The following PTPRD variants were observed in gnomAD, a reference collection of about 807,000 sequenced individuals.
PTPRD encodes protein tyrosine phosphatase receptor type D.
Under a neutral mutation model 214.5 loss-of-function variants are expected in PTPRD, and 34 were observed. That is an observed-to-expected ratio of 0.16 (90% CI 0.12 to 0.21). The LOEUF (loss-of-function observed/expected upper bound fraction) is 0.21. PTPRD is among the 10% of genes least tolerant of loss of function. The pLI is 1.00. For missense variants in PTPRD, 2,545 were observed against 2,398.7 expected, an observed-to-expected ratio of 1.06 and a Z score of -1.27; for synonymous variants, 1,128 against 845.7, an observed-to-expected ratio of 1.33 and a Z score of -5.79.
chr9:9,441,466 G>A (rs1482348865), intron 8 of PTPRD, among the ~76,000 whole-genome samples: 2 of 152,226 alleles, frequency 1.3e-5, no homozygotes, highest in African/African-American at 4.8e-5. Flanking sequence ...AAGTATTTGA[G>A]TTCAGCTGGA....
chr9:10,340,233 T>C (rs1427108544), intron 3 of PTPRD, among the ~76,000 whole-genome samples: 1 of 151,886 alleles, frequency 6.6e-6, no homozygotes, highest in Non-Finnish European at 1.5e-5. Flanking sequence ...TTTTTCCCCA[T>C]GTTTACAAAT....
chr9:10,550,267 T>G (rs556275146), intron 2 of PTPRD, among the ~76,000 whole-genome samples: 34 of 152,178 alleles, frequency 2.2e-4, no homozygotes, highest in Non-Finnish European at 4.7e-4. Flanking sequence ...AGTACTTTCT[T>G]TTATACATAT....
intron 3 of PTPRD, among the ~76,000 whole-genome samples, chr9:10,188,947 T>C (rs1203061718): frequency 6.6e-6 from 1 of 152,166 alleles, no homozygotes; most frequent in Non-Finnish European, 1.5e-5. Context: ...CTCAGTCTGC[T>C]GTAACCATTT....
intron 3 of PTPRD, among the ~76,000 whole-genome samples, chr9:10,045,979 T>A (rs971938550): frequency 6.6e-6 from 1 of 151,778 alleles, no homozygotes; most frequent in East Asian, 1.9e-4. Flanking sequence ...GTCCTTTTTG[T>A]TTCTAAATCC....
intron 11 of PTPRD, among the ~76,000 whole-genome samples, chr9:8,923,391 C>G (rs566119105): frequency 6.6e-6 from 1 of 151,892 alleles, no homozygotes; most frequent in Non-Finnish European, 1.5e-5. Context: ...CGAGAGCAAG[C>G]AATAAAACGA....
rs571868390 is a variant in PTPRD at position 9,632,488 on chromosome 9, G to T, written c.-286-57707C>A. ...AAATGTTTCCAAGTTAGGTAGTGGT[G>T]ATGATTGTACAATCTTGTAAATATA... On this transcript the variant is annotated intron_variant, in intron 7 of 45. Transcript: ENST00000381196. Among the ~76,000 whole-genome samples the T allele has an allele frequency of 1.9e-3, 286 of 152,174 alleles. 8 individuals are homozygous for T. Among genetic ancestry groups the T allele is most frequent in the Middle Eastern group, 6.8e-3 (2 of 294 alleles).
chr9:10,409,130 C>T (rs1436385230), intron 2 of PTPRD, among the ~76,000 whole-genome samples: 1 of 151,680 alleles, frequency 6.6e-6, no homozygotes, highest in African/African-American at 2.4e-5. Flanking sequence ...AAATACGTAA[C>T]ATAAATATAT....
chr9:10,274,294 A>G (rs1184529757), intron 3 of PTPRD, among the ~76,000 whole-genome samples: 2 of 152,244 alleles, frequency 1.3e-5, no homozygotes, highest in Non-Finnish European at 2.9e-5. Context: ...TTGACTTGCT[A>G]GGAATTCCTT....
chr9:9,779,124 C>G (rs898696167), intron 5 of PTPRD, among the ~76,000 whole-genome samples: 1 of 126,548 alleles, frequency 7.9e-6, no homozygotes, highest in Admixed American at 8.4e-5. Context: ...AAAGGACTCC[C>G]TATTCAATAA....
intron 5 of PTPRD, among the ~76,000 whole-genome samples, chr9:9,859,866 C>T (rs2062344754): frequency 6.6e-6 from 1 of 152,160 alleles, no homozygotes; most frequent in Admixed American, 6.5e-5. Context: ...GTACCGTTTT[C>T]TTCAAACTTT....
intron 12 of PTPRD, among the ~76,000 whole-genome samples, chr9:8,730,453 G>T (rs2098644627): frequency 6.6e-6 from 1 of 152,018 alleles, no homozygotes; most frequent in African/African-American, 2.4e-5. Context: ...TAAAAAAAAT[G>T]TTCTATTTCT....
intron 2 of PTPRD, among the ~76,000 whole-genome samples, chr9:10,429,934 T>C (rs2098661649): frequency 6.6e-6 from 1 of 151,946 alleles, no homozygotes; most frequent in South Asian, 2.1e-4. Context: ...ATTTTCATTG[T>C]AAAAGGCACA....
intron 11 of PTPRD, among the ~76,000 whole-genome samples, chr9:8,840,524 C>A (rs1226586474): frequency 6.6e-6 from 1 of 152,142 alleles, no homozygotes; most frequent in Non-Finnish European, 1.5e-5. Flanking sequence ...AGTGTGAAAG[C>A]GGACTAATAC....
intron 5 of PTPRD, among the ~76,000 whole-genome samples, chr9:9,903,108 A>T (rs781325456): frequency 8.5e-5 from 13 of 152,174 alleles, no homozygotes; most frequent in Non-Finnish European, 1.2e-4. Flanking sequence ...GTAGCATGAA[A>T]TAAGTAATCA....
At chr9:9,854,375 A>T (rs1026668903) in intron 5 of PTPRD, among the ~76,000 whole-genome samples, 7 of 152,174 alleles carry the variant, frequency 4.6e-5, no homozygotes, top group Admixed American at 4.6e-4. Context: ...CAAGGAAAAA[A>T]GCATTGGGAA....
chr9:9,492,326 T>C (rs1323215191), intron 8 of PTPRD, among the ~76,000 whole-genome samples: 1 of 134,784 alleles, frequency 7.4e-6, no homozygotes, highest in Non-Finnish European at 1.6e-5. Context: ...TTACTAAACA[T>C]AAAAAAAAAA....
chr9:10,214,160 A>T (rs1461423580), intron 3 of PTPRD, among the ~76,000 whole-genome samples: 1 of 152,148 alleles, frequency 6.6e-6, no homozygotes, highest in Non-Finnish European at 1.5e-5. Flanking sequence ...ACATGCAATC[A>T]TTCTATTTAA....
intron 39 of PTPRD, among the ~76,000 whole-genome samples, chr9:8,352,484 T>G (rs1156592248): frequency 1.3e-5 from 2 of 152,158 alleles, no homozygotes; most frequent in Admixed American, 1.3e-4. Context: ...AATTGCCCAC[T>G]TTTTGAAAGA....
intron 9 of PTPRD, among the ~76,000 whole-genome samples, chr9:9,265,432 GT>G (rs200189888): frequency 3.3e-5 from 5 of 150,754 alleles, no homozygotes; most frequent in South Asian, 2.1e-4. Context: ...TTTTGTTTTT[GT>G]TTTTTTTGTA....
Sources: allele counts gnomAD v4.1 joint callset (sites outside exome capture counted in the v4.1 genomes callset), GRCh38; gene constraint gnomAD v4.1.1; transcripts MANE v1.5; gene names NCBI Gene and HGNC (gene_info 2026-07-23, HGNC 2026-07-21).